The following FUT8 variants were observed in gnomAD, a reference collection of about 807,000 sequenced individuals.
FUT8 encodes the protein fucosyltransferase 8.
In FUT8, 29 loss-of-function variants were observed where a neutral mutation model predicts 71.3. The ratio of observed to expected loss-of-function variants is 0.41; its 90% confidence interval spans 0.30 to 0.55. FUT8 has a LOEUF of 0.55. FUT8 is among the 20% of genes least tolerant of loss of function. The pLI, the probability that FUT8 is intolerant of heterozygous loss-of-function variation, is 0.34. For missense variants in FUT8, 544 were observed against 702.1 expected, an observed-to-expected ratio of 0.77 and a Z score of 2.55; for synonymous variants, 254 against 239.3, an observed-to-expected ratio of 1.06 and a Z score of -0.57.
At chr14:65,680,201 G>A (rs770671146) in intron 7 of FUT8, among the ~76,000 whole-genome samples, 2 of 152,212 alleles carry the variant, frequency 1.3e-5, no homozygotes, top group Non-Finnish European at 2.9e-5. Flanking sequence ...CAGACAGAGA[G>A]CTAGAGGGCT....
intron 2 of FUT8, among the ~76,000 whole-genome samples, chr14:65,544,601 G>A (rs985593490): frequency 6.6e-6 from 1 of 152,112 alleles, no homozygotes; most frequent in Non-Finnish European, 1.5e-5. Flanking sequence ...GTAGTTAATT[G>A]TATCAGTAAA....
At chr14:65,661,306 GC>G (rs3216657) in intron 6 of FUT8, among the ~76,000 whole-genome samples, 9,445 of 152,120 alleles carry the variant, frequency 0.062, 540 homozygotes, top group African/African-American at 0.15. Context: ...TGGATCAAGA[GC>G]CCTGAACAGG....
intron 7 of FUT8, among the ~76,000 whole-genome samples, chr14:65,692,050 CT>C (rs1469623128): frequency 2.6e-5 from 4 of 151,996 alleles, no homozygotes; most frequent in Non-Finnish European, 5.9e-5. Context: ...TTTTCCCCAC[CT>C]TTCCCCCCTT....
chr14:65,417,304 C>A (rs1161224608), intron 1 of FUT8, among the ~76,000 whole-genome samples: 1 of 86,734 alleles, frequency 1.2e-5, no homozygotes, highest in African/African-American at 4.4e-5. Context: ...ACATTCTAAT[C>A]TCCTGGCATT....
intron 7 of FUT8, among the ~76,000 whole-genome samples, chr14:65,677,113 T>C (rs1272042172): frequency 9.1e-6 from 1 of 109,764 alleles, no homozygotes; most frequent in Non-Finnish European, 1.9e-5. Flanking sequence ...GAAAGACATA[T>C]TTGTGTGTGT....
intron 3 of FUT8, among the ~76,000 whole-genome samples, chr14:65,588,905 T>C (rs1206643582): frequency 1.3e-5 from 2 of 152,224 alleles, no homozygotes; most frequent in East Asian, 3.8e-4. Context: ...CTATCTGCAA[T>C]TCAGGCATCC....
intron 7 of FUT8, 141 bp from the exon 8 acceptor site, chr14:65,721,634 T>A: frequency 1.2e-6 from 1 of 868,386 alleles, no homozygotes; most frequent in Non-Finnish European, 1.8e-6. Flanking sequence ...TCGAGCAAGT[T>A]ATTTAACTTC....
At chr14:65,515,061 T>TCAGTAATACATAAAATCAGTA (rs1882619159) in intron 2 of FUT8, among the ~76,000 whole-genome samples, 2 of 152,178 alleles carry the variant, frequency 1.3e-5, no homozygotes, top group Non-Finnish European at 2.9e-5. Flanking sequence ...CAAACCTCAT[T>TCAGTAATACATAAAATCAGTA]TTTCTCTAAC....
At chr14:65,470,444 G>C (rs565018739) in intron 2 of FUT8, among the ~76,000 whole-genome samples, 1 of 152,298 alleles carries the variant, frequency 6.6e-6, no homozygotes, top group Non-Finnish European at 1.5e-5. Context: ...GCCTGCTCCT[G>C]GCTCCCACTG....
At chr14:65,633,704 C>T (rs1332852330) in intron 6 of FUT8, among the ~76,000 whole-genome samples, 9 of 151,212 alleles carry the variant, frequency 6.0e-5, no homozygotes, top group South Asian at 2.1e-4. Flanking sequence ...CGTCTCTGCC[C>T]GGCTGCCCCA....
chr14:65,559,579 A>T (rs1201372120), intron 2 of FUT8, among the ~76,000 whole-genome samples: 1 of 149,820 alleles, frequency 6.7e-6, no homozygotes, highest in Non-Finnish European at 1.5e-5. Context: ...TCAGCATATA[A>T]GTATAGTAAC....
rs73268519 is a variant in FUT8 at position 65,625,802 on chromosome 14, C to T, written c.483-3690C>T. Among the ~76,000 whole-genome samples the T allele has an allele frequency of 8.0e-3, 1,212 of 152,276 alleles. 15 individuals carry two copies. The highest frequency in any genetic ancestry group is 0.028 in the African/African-American group (1,160 of 41,572). On this transcript the variant is annotated intron_variant, in intron 5 of 10. Coordinates refer to ENST00000673929, the MANE Select transcript of FUT8 (RefSeq NM_001371533.1). ...TAATTTTTAATTGAATTAATAGTTT[C>T]ACTTTATTCAAAAGGGGCTATTATC...
the FUT8 span, among the ~76,000 whole-genome samples, chr14:65,365,408 T>C: frequency 6.6e-6 from 1 of 151,942 alleles, no homozygotes; most frequent in African/African-American, 2.4e-5. Context: ...GTAAGAGGCA[T>C]GTGAACAAGA....
At chr14:65,556,583 T>G (rs1885597762) in intron 2 of FUT8, among the ~76,000 whole-genome samples, 1 of 152,172 alleles carries the variant, frequency 6.6e-6, no homozygotes, top group South Asian at 2.1e-4. Flanking sequence ...GAAATGAAAT[T>G]CTGTCACTTT....
intron 6 of FUT8, among the ~76,000 whole-genome samples, chr14:65,640,714 G>T (rs1187001879): frequency 6.6e-6 from 1 of 152,088 alleles, no homozygotes; most frequent in African/African-American, 2.4e-5. Flanking sequence ...ATGAGTTAAT[G>T]AGTAAATGAA....
In FUT8 at chr14:65,483,312, T is replaced by C. The variant is rs1299773621; in HGVS notation, c.-228+27594T>C. 3.3e-5 allele frequency among the ~76,000 whole-genome samples: 5 copies of C among 152,204 alleles called. No individual in the cohort carries two copies. The highest frequency in any genetic ancestry group is 5.9e-5 in the Non-Finnish European group (4 of 68,042). ...GTGTTCTGTGTCAGCCTAGGGAGCA[T>C]TGGCTACTCTTAAGAGTTCTCTTTA... On this transcript the variant is annotated intron_variant, in intron 2 of 10. Coordinates refer to ENST00000673929, the MANE Select transcript of FUT8 (RefSeq NM_001371533.1). This position sits in a 1 kb window ranked among gnomAD's most constrained non-coding sequence, Gnocchi z 4.4.
At chr14:65,376,090 CAA>C in the FUT8 span, among the ~76,000 whole-genome samples, 11 of 116,756 alleles carry the variant, frequency 9.4e-5, no homozygotes, top group African/African-American at 2.8e-4. Flanking sequence ...GACCCTGTCT[CAA>C]AAAAAAAAAA....
chr14:65,706,984 TG>T (rs1894587554), intron 7 of FUT8, among the ~76,000 whole-genome samples: 1 of 152,214 alleles, frequency 6.6e-6, no homozygotes, highest in Non-Finnish European at 1.5e-5. Context: ...GTTTTCTTGC[TG>T]GAAGGTTGGT....
At chr14:65,718,551 A>G (rs1420815702) in intron 7 of FUT8, among the ~76,000 whole-genome samples, 1 of 152,204 alleles carries the variant, frequency 6.6e-6, no homozygotes, top group African/African-American at 2.4e-5. Context: ...TATGCTTAGT[A>G]TGACCAGTGA....
Sources: gnomAD v4.1 joint callset for allele counts (sites outside exome capture counted in the v4.1 genomes callset) on GRCh38, gnomAD v4.1.1 for gene constraint, Gnocchi (gnomAD v3.1) non-coding constraint, MANE v1.5 for transcripts, NCBI Gene and HGNC (gene_info 2026-07-23, HGNC 2026-07-21) for gene names.